The following ZFP14 variants were observed in gnomAD, a reference collection of about 807,000 sequenced individuals.
ZFP14 encodes zinc finger protein 14 homolog.
A neutral mutation model predicts 54.5 loss-of-function variants in ZFP14; 22 were observed. That is an observed-to-expected ratio of 0.40 (90% confidence interval 0.29 to 0.58). The LOEUF is 0.58. Among genes scored for constraint, ZFP14 ranks in the 20% least tolerant of loss-of-function variants. The pLI is 0.39. For synonymous variants in ZFP14, 159 were observed against 204.0 expected, an observed-to-expected ratio of 0.78 and a Z score of 1.88; for missense variants, 470 against 637.8, an observed-to-expected ratio of 0.74 and a Z score of 2.83.
chr19:36,363,354 C>T (rs567691682), intron 2 of ZFP14, among the ~76,000 whole-genome samples: 5 of 151,916 alleles, frequency 3.3e-5, no homozygotes, highest in African/African-American at 9.6e-5. Flanking sequence ...CCACCACGCC[C>T]GGCTAATTTT....
At chr19:36,361,002 TA>T (rs1338235318) in intron 3 of ZFP14, among the ~76,000 whole-genome samples, 2 of 152,222 alleles carry the variant, frequency 1.3e-5, no homozygotes, top group Non-Finnish European at 2.9e-5. Context: ...ATGCTTAGAA[TA>T]ATGTTTAAGC....
At chr19:36,359,447 A>G (rs1213256900) in intron 4 of ZFP14, among the ~76,000 whole-genome samples, 1 of 152,190 alleles carries the variant, frequency 6.6e-6, no homozygotes, top group Non-Finnish European at 1.5e-5. Context: ...AGAATTCACC[A>G]GTGAAACCAT....
At chr19:36,345,403 G>A (rs2031396760) in intron 4 of ZFP14, among the ~76,000 whole-genome samples, 1 of 152,136 alleles carries the variant, frequency 6.6e-6, no homozygotes, top group African/African-American at 2.4e-5. Context: ...AAAAGGTCAT[G>A]GTAAATGTCA....
In ZFP14 at chr19:36,349,231, C is replaced by CAAAAAAAAA. The variant is rs1308523351; in HGVS notation, c.236-7650_236-7642dup. 3.8e-3 allele frequency among the ~76,000 whole-genome samples: 16 copies of CAAAAAAAAA among 4,250 alleles called. 2 individuals carry two copies. Among genetic ancestry groups the CAAAAAAAAA allele is most frequent in the Non-Finnish European group, 5.3e-3 (13 of 2,444 alleles). The allele number at this position is 4,250 out of a possible 152,430, so 2.8% of individuals were successfully genotyped here. ...GGGCTATAAGAGGGGAACTCTGTCT[C>CAAAAAAAAA]AAAAAAAAAAACAAAAAAAAAAAAA... On this transcript the variant is annotated intron_variant, in intron 4 of 4. Coordinates refer to ENST00000270001, the MANE Select transcript of ZFP14 (RefSeq NM_020917.3).
intron 4 of ZFP14, among the ~76,000 whole-genome samples, chr19:36,343,003 A>C (rs2031350594): frequency 1.3e-5 from 2 of 152,228 alleles, no homozygotes. Context: ...TGAAAAAGGG[A>C]AACACAGCAA....
rs1488239474 is a variant in ZFP14, at chr19:36,352,199, C to A, written c.235+8236G>T. 2.1e-5 allele frequency among the ~76,000 whole-genome samples: 3 copies of A among 140,802 alleles called. 1 individual carries two copies. Among genetic ancestry groups the A allele is most frequent in the South Asian group, 4.5e-4 (2 of 4,478 alleles). 92.4% of individuals were successfully genotyped at this position (140,802 alleles called of 152,430 possible). A position where few individuals can be genotyped will look rare whatever the true frequency, so the allele number is the denominator to read the frequency against. On this transcript the variant is annotated intron_variant, in intron 4 of 4. Coordinates refer to ENST00000270001, the MANE Select transcript of ZFP14 (RefSeq NM_020917.3). ...ACTCTGTCTCAAAAAAAAAAAAATTCTATTAAGATCCCTACAATTTTGAAC... is the reference window on the plus strand; with the variant it reads ...ACTCTGTCTCAAAAAAAAAAAAATTATATTAAGATCCCTACAATTTTGAAC...
At chr19:36,371,644 A>G (rs898089728) in intron 1 of ZFP14, among the ~76,000 whole-genome samples, 3 of 152,098 alleles carry the variant, frequency 2.0e-5, no homozygotes, top group African/African-American at 7.2e-5. Flanking sequence ...GAAGAGAAAG[A>G]TAAACAAGTA....
chr19:36,348,365 C>A (rs1233657829), intron 4 of ZFP14, among the ~76,000 whole-genome samples: 3 of 152,190 alleles, frequency 2.0e-5, no homozygotes, highest in Non-Finnish European at 4.4e-5. Flanking sequence ...ACCTGGGAAG[C>A]TGACCCCTTT....
Position 36,350,952 on chromosome 19 carries a change from TTTA to T in ZFP14, c.236-9365_236-9363del, listed in dbSNP as rs2031515653. On this transcript the variant is annotated intron_variant, in intron 4 of 4. Transcript: ENST00000270001. ...AAAATAAAGACAAAATTTTGTACCC[TTTA>T]AAAATTAAGACGTAATAAAGATATT... Among the ~76,000 whole-genome samples the T allele has an allele frequency of 1.4e-5, 2 of 143,188 alleles. 1 individual carries two copies. The highest frequency in any genetic ancestry group is 1.4e-4 in the Admixed American group (2 of 13,868). 93.9% of individuals were successfully genotyped at this position (143,188 alleles called of 152,430 possible). A position where few individuals can be genotyped will look rare whatever the true frequency, so the allele number is the denominator to read the frequency against.
intron 1 of ZFP14, among the ~76,000 whole-genome samples, chr19:36,374,790 A>T (rs1431977657): frequency 6.6e-6 from 1 of 152,222 alleles, no homozygotes; most frequent in Admixed American, 6.5e-5. Flanking sequence ...TTACAGTCAC[A>T]GCCAGCAACA....
chr19:36,376,284 G>A (rs1368956553), intron 1 of ZFP14, among the ~76,000 whole-genome samples: 1 of 151,830 alleles, frequency 6.6e-6, no homozygotes. Flanking sequence ...ATTCTACTCA[G>A]GCCTGTAATC....
intron 3 of ZFP14, among the ~76,000 whole-genome samples, chr19:36,360,935 A>G (rs1401507167): frequency 6.6e-6 from 1 of 152,252 alleles, no homozygotes; most frequent in East Asian, 1.9e-4. Flanking sequence ...CTCAAATAAA[A>G]TGAAGATAAT....
At position 36,362,197 on chromosome 19, in the gene ZFP14, C is replaced by T; in HGVS notation, c.51G>A (p.Gln17=). 2 of 1,612,848 alleles carry T rather than the reference C, an allele frequency of 1.2e-6. No homozygotes were observed. Among genetic ancestry groups the T allele is most frequent in the Non-Finnish European group, 1.7e-6 (2 of 1,179,444 alleles). The stretch of plus-strand genomic sequence containing the variant: ...CAGGATCCAGGAATTCCCATTCTTC[C>T]TGTGAGAAGTCTATGGCCACATCCC... The part of the protein sequence containing the change: ...TFRDVAIDFS[Q]EEWEFLDPAQ... Residue 17 remains glutamine (Q), a synonymous_variant, in exon 3 of 5, where the codon CAG becomes CAA. Coordinates refer to ENST00000270001, the MANE Select transcript of ZFP14 (RefSeq NM_020917.3).
chr19:36,365,020 T>TTTTTTTTTTTG (rs1568472463), intron 2 of ZFP14, among the ~76,000 whole-genome samples: 3 of 121,594 alleles, frequency 2.5e-5, no homozygotes, highest in African/African-American at 1.0e-4. Flanking sequence ...TTTTTTTTTT[T>TTTTTTTTTTTG]TTTGACAGGG....
In ZFP14 at chr19:36,346,600, G is replaced by A. The variant is rs561953503; in HGVS notation, c.236-5010C>T. ...AGCCTCCTGAGTAGGTGGGACTACA[G>A]GTGTTTCTACCATGCCCAGCTAATT... On this transcript the variant is annotated intron_variant, in intron 4 of 4. Transcript: ENST00000270001. Among the ~76,000 whole-genome samples, 3 of 152,194 alleles carry A rather than the reference G, an allele frequency of 2.0e-5. No homozygotes were observed. The South Asian group carries it at 6.2e-4, about 32-fold the overall frequency.
chr19:36,362,259 A>G, intron 2 of ZFP14, 21 bp from the exon 3 acceptor site: 1 of 1,576,016 alleles, frequency 6.3e-7, no homozygotes, highest in South Asian at 1.2e-5. Context: ...AAACTCAGGT[A>G]TTACTTGTGA....
At chr19:36,360,577 T>A in intron 3 of ZFP14, 44 bp from the exon 4 acceptor site, 1 of 1,551,536 alleles carries the variant, frequency 6.4e-7, no homozygotes, top group Non-Finnish European at 8.8e-7. Flanking sequence ...CACCAGAAAA[T>A]CTTTAGATTT....
At chr19:36,357,370 T>C (rs933420571) in intron 4 of ZFP14, among the ~76,000 whole-genome samples, 1 of 152,116 alleles carries the variant, frequency 6.6e-6, no homozygotes, top group African/African-American at 2.4e-5. Flanking sequence ...TGGTTATTGT[T>C]TTCACTCAAG....
At chr19:36,363,194 T>C (rs111427231) in intron 2 of ZFP14, among the ~76,000 whole-genome samples, 169 of 84,674 alleles carry the variant, frequency 2.0e-3, no homozygotes, top group African/African-American at 6.5e-3. Context: ...CTTTTCTTTT[T>C]TTTTTTTTTT....
Sources: gnomAD v4.1 joint callset for allele counts (sites outside exome capture counted in the v4.1 genomes callset) on GRCh38, gnomAD v4.1.1 for gene constraint, MANE v1.5 for transcripts, NCBI Gene and HGNC (gene_info 2026-07-23, HGNC 2026-07-21) for gene names.